The following PCCA variants were observed in gnomAD, a reference collection of about 807,000 sequenced individuals.
The protein encoded by PCCA is propionyl-CoA carboxylase alpha chain, mitochondrial.
Under a neutral mutation model 101.3 loss-of-function variants are expected in PCCA, and 74 were observed. That is an observed-to-expected ratio of 0.73 (90% CI 0.61 to 0.89). The LOEUF (loss-of-function observed/expected upper bound fraction) is 0.89, where lower values mean the gene tolerates loss of function less well. Among genes scored for constraint, PCCA ranks in the 40% least tolerant of loss-of-function variants. The probability of loss-of-function intolerance (pLI) is 0.00; values close to 1 mark genes in which losing one functional copy is unlikely to be tolerated. For synonymous variants in PCCA, 294 were observed against 313.6 expected (o/e 0.94, Z 0.66); for missense variants, 891 against 907.0 (o/e 0.98, Z 0.23).
At chr13:100,199,678 C>T (rs1175808221) in intron 6 of PCCA, among the ~76,000 whole-genome samples, 1 of 152,056 alleles carries the variant, frequency 6.6e-6, no homozygotes, top group Admixed American at 6.6e-5. Context: ...CTGCCCATAT[C>T]TAGTAATTTA....
intron 10 of PCCA, among the ~76,000 whole-genome samples, chr13:100,265,191 G>A (rs1250569081): frequency 6.6e-6 from 1 of 152,178 alleles, no homozygotes; most frequent in Non-Finnish European, 1.5e-5. Context: ...CTGAATTATA[G>A]TGAAGTCAAG....
At chr13:100,448,447 T>A (rs867343169) in intron 20 of PCCA, among the ~76,000 whole-genome samples, 4 of 152,116 alleles carry the variant, frequency 2.6e-5, no homozygotes, top group African/African-American at 9.7e-5. Flanking sequence ...TGCCTCAACC[T>A]CCCAGAGTGC....
At chr13:100,479,902 A>C (rs769615745) in intron 21 of PCCA, 1 of 152,160 alleles carries the variant, frequency 6.6e-6, no homozygotes, top group Non-Finnish European at 1.5e-5. Flanking sequence ...TGACCATCTG[A>C]TAGGCCACTT....
At chr13:100,391,207 G>A (rs544959585) in intron 19 of PCCA, among the ~76,000 whole-genome samples, 5 of 152,154 alleles carry the variant, frequency 3.3e-5, no homozygotes, top group South Asian at 2.1e-4. Flanking sequence ...TAGTAGAGAC[G>A]GAGTTTCACC....
At chr13:100,276,535 C>T (rs2063684692) in intron 12 of PCCA, among the ~76,000 whole-genome samples, 1 of 152,122 alleles carries the variant, frequency 6.6e-6, no homozygotes, top group African/African-American at 2.4e-5. Flanking sequence ...CTCACATACA[C>T]AGATGAATAA....
chr13:100,321,319 C>T (rs1379944975), intron 16 of PCCA, among the ~76,000 whole-genome samples: 1 of 152,106 alleles, frequency 6.6e-6, no homozygotes, highest in African/African-American at 2.4e-5. Flanking sequence ...ACATTTTTGC[C>T]TACCTAATTG....
At chr13:100,274,242 A>G (rs192185481) in intron 12 of PCCA, among the ~76,000 whole-genome samples, 19 of 152,314 alleles carry the variant, frequency 1.2e-4, no homozygotes, top group Non-Finnish European at 4.4e-5. Flanking sequence ...TTTTAAAACT[A>G]TATTAATGGG....
At chr13:100,299,565 T>C (rs762802873) in intron 12 of PCCA, among the ~76,000 whole-genome samples, 2 of 152,242 alleles carry the variant, frequency 1.3e-5, no homozygotes, top group Non-Finnish European at 2.9e-5. Flanking sequence ...TCAATATGTA[T>C]TTATTTGCCT....
At chr13:100,313,594 G>C (rs937156386) in intron 16 of PCCA, among the ~76,000 whole-genome samples, 1 of 152,162 alleles carries the variant, frequency 6.6e-6, no homozygotes, top group Admixed American at 6.5e-5. Flanking sequence ...TGACTCCTGA[G>C]CCTTAATTTC....
At chr13:100,495,408 T>A (rs1484815881) in intron 21 of PCCA, among the ~76,000 whole-genome samples, 1 of 152,204 alleles carries the variant, frequency 6.6e-6, no homozygotes, top group Non-Finnish European at 1.5e-5. Flanking sequence ...TGATGGTGAA[T>A]GTCAGGGGAC....
At chr13:100,250,997 A>G (rs950466242) in intron 8 of PCCA, among the ~76,000 whole-genome samples, 2 of 152,150 alleles carry the variant, frequency 1.3e-5, no homozygotes, top group African/African-American at 4.8e-5. Context: ...CAGGAGAGAG[A>G]TATAATAGTA....
chr13:100,208,922 T>C (rs1248458485), intron 6 of PCCA, among the ~76,000 whole-genome samples: 1 of 152,234 alleles, frequency 6.6e-6, no homozygotes, highest in Non-Finnish European at 1.5e-5. Flanking sequence ...TGGCACAGAA[T>C]TGGTATTCAG....
At chr13:100,268,193 A>G (rs935158401) in intron 10 of PCCA, among the ~76,000 whole-genome samples, 36 of 152,188 alleles carry the variant, frequency 2.4e-4, no homozygotes, top group Middle Eastern at 3.2e-3. Context: ...GACCTTTAGC[A>G]GTTTCCTAGA....
intron 7 of PCCA, among the ~76,000 whole-genome samples, chr13:100,223,639 G>C (rs1050224597): frequency 4.6e-5 from 7 of 152,132 alleles, no homozygotes; most frequent in Non-Finnish European, 8.8e-5. Flanking sequence ...CGAGCGTGTT[G>C]CCACTGCTGG....
chr13:100,282,172 G>T (rs2064172271), intron 12 of PCCA, among the ~76,000 whole-genome samples: 1 of 152,174 alleles, frequency 6.6e-6, no homozygotes, highest in Non-Finnish European at 1.5e-5. Flanking sequence ...GGGGAAATTA[G>T]CCCTTTGTGA....
rs190606340 is a variant in PCCA at position 100,450,123 on chromosome 13, G to A, written c.1899+818G>A. On this transcript the variant is annotated intron_variant, in intron 21 of 23. Transcript: ENST00000376285. ...TATTTGGCTTGGTGCGGCAGCTCAC[G>A]CCTGTAATCCCAGCACTTTGGGAGG... 4.5e-4 allele frequency among the ~76,000 whole-genome samples: 68 copies of A among 152,256 alleles called. 1 individual carries two copies. The highest frequency in any genetic ancestry group is 1.4e-3 in the Admixed American group (21 of 15,296).
At chr13:100,179,115 C>T (rs1266889272) in intron 6 of PCCA, among the ~76,000 whole-genome samples, 1 of 148,560 alleles carries the variant, frequency 6.7e-6, no homozygotes, top group Non-Finnish European at 1.5e-5. Context: ...TATATTTGTG[C>T]TTGTTTGGAT....
At chr13:100,161,105 T>G (rs2054422162) in intron 6 of PCCA, 1 of 152,176 alleles carries the variant, frequency 6.6e-6, no homozygotes, top group Non-Finnish European at 1.5e-5. Context: ...TCTTCTTTCT[T>G]TCTTGAGTTT....
At chr13:100,398,257 C>A (rs2077147534) in intron 19 of PCCA, among the ~76,000 whole-genome samples, 1 of 152,136 alleles carries the variant, frequency 6.6e-6, no homozygotes, top group Admixed American at 6.5e-5. Context: ...AAATTTTAAT[C>A]TAAATCAAGT....
Sources: allele counts gnomAD v4.1 joint callset (sites outside exome capture counted in the v4.1 genomes callset), GRCh38; gene constraint gnomAD v4.1.1; transcripts MANE v1.5; gene names NCBI Gene and HGNC (gene_info 2026-07-23, HGNC 2026-07-21).